The following RTN1 variants were observed in gnomAD, a reference collection of about 807,000 sequenced individuals.
RTN1 encodes the protein reticulon 1, also known as reticulon-1.
In RTN1, 25 loss-of-function variants were observed where a neutral mutation model predicts 65.5. That is an observed-to-expected ratio of 0.38 (90% CI 0.28 to 0.53). The LOEUF is 0.53. RTN1 is among the 20% of genes least tolerant of loss of function. RTN1 has a pLI of 0.79. For missense variants in RTN1, 983 were observed against 1,025.4 expected, an observed-to-expected ratio of 0.96 and a Z score of 0.57; for synonymous variants, 471 against 447.6, an observed-to-expected ratio of 1.05 and a Z score of -0.66.
intron 1 of RTN1, among the ~76,000 whole-genome samples, chr14:59,858,663 A>G (rs1887652857): frequency 6.6e-6 from 1 of 152,190 alleles, no homozygotes; most frequent in African/African-American, 2.4e-5. Flanking sequence ...CGGAAATTAG[A>G]ATGGAGAATT....
chr14:59,813,875 CA>C (rs1230350574), intron 1 of RTN1, among the ~76,000 whole-genome samples: 1 of 151,734 alleles, frequency 6.6e-6, no homozygotes. Context: ...ATGATGTGTT[CA>C]ATTTTTTTTT....
chr14:59,672,159 GCCATTTGACC>G (rs1883519516), intron 3 of RTN1, among the ~76,000 whole-genome samples: 27 of 152,144 alleles, frequency 1.8e-4, no homozygotes, highest in Admixed American at 1.7e-3. Context: ...TACTTTAGAT[GCCATTTGACC>G]TCTTTGAGCT....
At chr14:59,749,997 A>ATTATC (rs1261722273) in intron 1 of RTN1, among the ~76,000 whole-genome samples, 15 of 83,558 alleles carry the variant, frequency 1.8e-4, no homozygotes, top group African/African-American at 5.9e-4. Context: ...ATATACATAT[A>ATTATC]TATTATATAC....
chr14:59,830,683 C>T (rs1015407704), intron 1 of RTN1, among the ~76,000 whole-genome samples: 2 of 152,194 alleles, frequency 1.3e-5, no homozygotes, highest in Admixed American at 1.3e-4. Context: ...AGCTCTGTCC[C>T]TAATTAGCAA....
At chr14:59,782,006 T>C (rs1886164088) in intron 1 of RTN1, among the ~76,000 whole-genome samples, 1 of 152,082 alleles carries the variant, frequency 6.6e-6, no homozygotes, top group Admixed American at 6.6e-5. Context: ...GGTGATGAGA[T>C]CATGATAAAG....
Position 59,836,547 on chromosome 14 carries a change from T to C in RTN1, c.241+33843A>G, listed in dbSNP as rs1054708213. Among the ~76,000 whole-genome samples the C allele has an allele frequency of 6.6e-6, 1 of 152,156 alleles. No individual in the cohort carries two copies. The highest frequency in any genetic ancestry group is 2.4e-5 in the African/African-American group (1 of 41,414). On this transcript the variant is annotated intron_variant, in intron 1 of 8. Transcript: ENST00000267484. The surrounding 1 kb of genome is among the most constrained non-coding windows in gnomAD (Gnocchi z 4.9). ...TAAAATTTGTTGCTATTAGAAAAAATTGATGAAACCAGGAGGGAGGACATC... is the reference window on the plus strand; with the variant it reads ...TAAAATTTGTTGCTATTAGAAAAAACTGATGAAACCAGGAGGGAGGACATC...
chr14:59,630,386 A>C, intron 3 of RTN1: 13 of 1,608,528 alleles, frequency 8.1e-6, no homozygotes, highest in Admixed American at 1.7e-5. Flanking sequence ...ACAATGGACG[A>C]GTCCAGGTCC....
At chr14:59,817,723 G>A (rs1398239264) in intron 1 of RTN1, among the ~76,000 whole-genome samples, 1 of 151,834 alleles carries the variant, frequency 6.6e-6, no homozygotes, top group African/African-American at 2.4e-5. Context: ...TGCCACCCTA[G>A]TGTCCTGCCA....
chr14:59,667,793 A>C (rs888007844), intron 3 of RTN1, among the ~76,000 whole-genome samples: 4 of 152,180 alleles, frequency 2.6e-5, no homozygotes, highest in Non-Finnish European at 5.9e-5. Context: ...GGCAAAAATC[A>C]CAAGCATTCC....
rs1886324556 is a variant in RTN1 at position 59,790,265 on chromosome 14, T to C, written c.242-43784A>G. ...TAACAATCTACTCATTCATTATGTATGTCACACACACACACAGACACACAC... is the reference window on the plus strand; with the variant it reads ...TAACAATCTACTCATTCATTATGTACGTCACACACACACACAGACACACAC... On this transcript the variant is annotated intron_variant, in intron 1 of 8. Transcript: ENST00000267484. This position sits in a 1 kb window ranked among gnomAD's most constrained non-coding sequence, Gnocchi z 4.1. 6.6e-6 allele frequency among the ~76,000 whole-genome samples: 1 copy of C among 151,956 alleles called. No individual in the cohort carries two copies. Among genetic ancestry groups the C allele is most frequent in the African/African-American group, 2.4e-5 (1 of 41,390 alleles).
Position 59,607,431 on chromosome 14 carries a change from C to T in RTN1, c.1827G>A (p.Leu609=). 5 of 1,613,130 alleles carry T rather than the reference C, an allele frequency of 3.1e-6. 1 individual carries two copies. In the South Asian group the frequency reaches 4.4e-5, roughly 14 times the overall value. ...KQTGIVFGSF[L]LLLFSLTQFS... is the part of the protein sequence containing the mutation. ...ACTGGGTCAGGGAGAAGAGCAGCAG[C>T]AGGAAACTCCCAAACACGATGCCCG... Residue 609 remains leucine (L), a synonymous_variant, in exon 4 of 9, where the codon CTG becomes CTA. Transcript: ENST00000267484.
chr14:59,646,837 C>G (rs191051197), intron 3 of RTN1: 1 of 153,100 alleles, frequency 6.5e-6, no homozygotes, highest in East Asian at 1.9e-4. Flanking sequence ...AAAAAAAACA[C>G]AAGTACAGAG....
In RTN1 at chr14:59,846,969, A is replaced by G. The variant is rs992129891; in HGVS notation, c.241+23421T>C. Among the ~76,000 whole-genome samples, 2 of 152,226 alleles carry G rather than the reference A, an allele frequency of 1.3e-5. No individual in the cohort carries two copies. Among genetic ancestry groups the G allele is most frequent in the Non-Finnish European group, 2.9e-5 (2 of 68,040 alleles). On this transcript the variant is annotated intron_variant, in intron 1 of 8. Coordinates refer to ENST00000267484, the MANE Select transcript of RTN1 (RefSeq NM_021136.3). This position sits in a 1 kb window ranked among gnomAD's most constrained non-coding sequence, Gnocchi z 4.8. ...CTAGAAACCTAGTGTCTGAGAGGAAAAACAAAATTCCTAATTGAAAAAGTC... is the reference window on the plus strand; with the variant it reads ...CTAGAAACCTAGTGTCTGAGAGGAAGAACAAAATTCCTAATTGAAAAAGTC...
At chr14:59,848,954 C>T (rs996035352) in intron 1 of RTN1, among the ~76,000 whole-genome samples, 2 of 151,148 alleles carry the variant, frequency 1.3e-5, no homozygotes, top group Admixed American at 6.6e-5. Flanking sequence ...TCCCCACCCC[C>T]CCGGGAAGAA....
In RTN1 at chr14:59,727,066, C is replaced by T. The variant is rs544116208; in HGVS notation, c.1618G>A (p.Asp540Asn). The change falls in exon 3 of 9, where the codon GAC (aspartate) becomes AAC (asparagine). Residue 540 changes from aspartate to asparagine, a missense_variant. Asp to Asn is a conservative substitution (Grantham distance 23, BLOSUM62 1). Coordinates refer to ENST00000267484, the MANE Select transcript of RTN1 (RefSeq NM_021136.3). This position sits in a 1 kb window ranked among gnomAD's most constrained non-coding sequence, Gnocchi z 4.2. ...PQPGPELPPG[D>N]GALEPETPML... ...GGCGTCTCAGGCTCCAGGGCTCCGT[C>T]TCCAGGGGGCAGCTCGGGGCCAGGC... The T allele has an allele frequency of 6.2e-7, 1 of 1,612,876 alleles. No individual in the cohort carries two copies. Among genetic ancestry groups the T allele is most frequent in the South Asian group, 1.1e-5 (1 of 90,810 alleles).
At chr14:59,786,411 G>A (rs1886250629) in intron 1 of RTN1, among the ~76,000 whole-genome samples, 1 of 152,196 alleles carries the variant, frequency 6.6e-6, no homozygotes. Flanking sequence ...CAGAAGTGCA[G>A]GCCTGAGCTC....
At chr14:59,676,323 T>C (rs1294559200) in intron 3 of RTN1, among the ~76,000 whole-genome samples, 1 of 152,220 alleles carries the variant, frequency 6.6e-6, no homozygotes, top group African/African-American at 2.4e-5. Flanking sequence ...AAGCTCTAAG[T>C]ATATAGCAAG....
chr14:59,804,141 T>A (rs966804510), intron 1 of RTN1, among the ~76,000 whole-genome samples: 1 of 152,218 alleles, frequency 6.6e-6, no homozygotes, highest in Non-Finnish European at 1.5e-5. Flanking sequence ...CATTTAATTG[T>A]CATGTCTCCT....
chr14:59,829,973 T>C lies in RTN1; in HGVS notation c.241+40417A>G, dbSNP rs921597519. Among the ~76,000 whole-genome samples the C allele has an allele frequency of 1.4e-4, 21 of 152,184 alleles. 1 individual carries two copies. The highest frequency in any genetic ancestry group is 1.3e-3 in the Admixed American group (20 of 15,282). ...ATTGGGGTTTGAGAGTTTTTTATTT[T>C]AAAAAAATAGCATGTATTTTTGGGT... is the stretch of plus-strand genomic sequence containing the variant. On this transcript the variant is annotated intron_variant, in intron 1 of 8. Transcript: ENST00000267484. This position sits in a 1 kb window ranked among gnomAD's most constrained non-coding sequence, Gnocchi z 4.3.
Sources: allele counts gnomAD v4.1 joint callset (sites outside exome capture counted in the v4.1 genomes callset), GRCh38; gene constraint gnomAD v4.1.1; non-coding constraint Gnocchi (gnomAD v3.1); transcripts MANE v1.5; gene names NCBI Gene and HGNC (gene_info 2026-07-23, HGNC 2026-07-21).